Variants in TTC19 observed in about 807,000 individuals in gnomAD.
The protein encoded by TTC19 is tetratricopeptide repeat protein 19, mitochondrial.
In TTC19, 38 loss-of-function variants were observed where a neutral mutation model predicts 49.5. The observed-to-expected ratio is 0.77, with a 90% CI of 0.59 to 1.01. The LOEUF is 1.01. Ranked by LOEUF, TTC19 falls within the 50% of genes least tolerant of loss-of-function variation. TTC19 has a pLI of 0.00. For synonymous variants in TTC19, 204 were observed against 185.2 expected, an observed-to-expected ratio of 1.10 and a Z score of -0.83; for missense variants, 475 against 477.7, an observed-to-expected ratio of 0.99 and a Z score of 0.05.
At chr17:16,012,771 C>T (rs562384436) in intron 7 of TTC19, among the ~76,000 whole-genome samples, 17 of 152,122 alleles carry the variant, frequency 1.1e-4, no homozygotes, top group Non-Finnish European at 2.4e-4. Context: ...CTGCCGACCT[C>T]AGGTGATCTG....
At chr17:16,022,688 G>A (rs1279220182) in intron 7 of TTC19, among the ~76,000 whole-genome samples, 1 of 152,106 alleles carries the variant, frequency 6.6e-6, no homozygotes, top group Admixed American at 6.5e-5. Flanking sequence ...AACCTAGTTT[G>A]ATATACTGAA....
chr17:16,010,227 G>A (rs1314519958), intron 7 of TTC19, among the ~76,000 whole-genome samples: 1 of 138,230 alleles, frequency 7.2e-6, no homozygotes, highest in East Asian at 2.1e-4. Context: ...AGGCTGGAGT[G>A]CAGTGGTGCA....
intron 2 of TTC19, among the ~76,000 whole-genome samples, chr17:16,034,526 T>TGA (rs1387371346): frequency 6.6e-6 from 1 of 152,168 alleles, no homozygotes; most frequent in Non-Finnish European, 1.5e-5. Context: ...GAGGATCACC[T>TGA]GAGCCTCAGA....
chr17:16,036,882 TC>T (rs2151912454), intron 2 of TTC19, among the ~76,000 whole-genome samples: 1 of 152,388 alleles, frequency 6.6e-6, no homozygotes, highest in South Asian at 2.1e-4. Flanking sequence ...AATAGCACTT[TC>T]AATTTCCTTC....
At chr17:16,021,837 C>G (rs763211246) in intron 7 of TTC19, among the ~76,000 whole-genome samples, 1 of 152,200 alleles carries the variant, frequency 6.6e-6, no homozygotes, top group Non-Finnish European at 1.5e-5. Context: ...ATTATACATT[C>G]ATCTTCAGCA....
At chr17:16,032,340 G>T, downstream of TTC19, 1 of 1,614,184 alleles carries the variant, frequency 6.2e-7, no homozygotes. Context: ...GCTGAGAGCA[G>T]TGGGGCAGGC....
At chr17:16,041,246 C>T (rs1319355559) in intron 2 of TTC19, 1 of 152,034 alleles carries the variant, frequency 6.6e-6, no homozygotes, top group Non-Finnish European at 1.5e-5. Flanking sequence ...ACCTGGGAAC[C>T]GCCTATAATA....
At chr17:16,001,014 T>A (rs1055553212) in intron 2 of TTC19, among the ~76,000 whole-genome samples, 6 of 152,206 alleles carry the variant, frequency 3.9e-5, no homozygotes, top group African/African-American at 1.4e-4. Context: ...ATTTCTCAAA[T>A]CTTTCCCCTT....
rs761574262 is a variant in TTC19 at position 16,027,306 on chromosome 17, C to T, written c.995-68C>T. On this transcript the variant is annotated intron_variant, in intron 9 of 9. Coordinates refer to ENST00000261647, the MANE Select transcript of TTC19 (RefSeq NM_017775.4). The stretch of plus-strand genomic sequence containing the variant: ...TTAGCCCTATATCTGCATTCATGCT[C>T]TCTCTTCAGAATCACCTTGAAAACA... 648 of 1,582,654 alleles carry T rather than the reference C, an allele frequency of 4.1e-4. 1 individual carries two copies. The highest frequency in any genetic ancestry group is 5.5e-4 in the Non-Finnish European group (637 of 1,153,968).
In TTC19 at chr17:16,000,016, G is replaced by T. The variant is rs1252591027; in HGVS notation, c.168G>T (p.Leu56=). 1.0e-5 allele frequency: 13 copies of T among 1,242,972 alleles called. No homozygotes were observed. Among genetic ancestry groups the T allele is most frequent in the Non-Finnish European group, 1.3e-5 (13 of 996,300 alleles). 77.0% of individuals were successfully genotyped at this position (1,242,972 alleles called of 1,614,324 possible). Residue 56 remains leucine (L), a synonymous_variant, in exon 1 of 10, where the codon CTG becomes CTT. Coordinates refer to ENST00000261647, the MANE Select transcript of TTC19 (RefSeq NM_017775.4). ...CGCCGCACGGCCGGGGCCCAGGCCT[G>T]CTGCCGCTGCTGGCAGGTGAGGGGC... ...RVAPHGRGPG[L]LPLLAALAWF...
chr17:16,014,974 C>G (rs1490260595), intron 7 of TTC19, among the ~76,000 whole-genome samples: 5 of 152,104 alleles, frequency 3.3e-5, no homozygotes, highest in Admixed American at 1.3e-4. Context: ...AGGTTAATTG[C>G]TTAGTACCTG....
intron 8 of TTC19, 70 bp downstream of exon 8, chr17:16,025,241 C>A: frequency 6.6e-7 from 1 of 1,507,676 alleles, no homozygotes; most frequent in Non-Finnish European, 9.1e-7. Flanking sequence ...TGAAATGTCA[C>A]ACTCATTGGT....
intron 2 of TTC19, 52 bp downstream of exon 2, chr17:16,000,297 C>A: frequency 1.3e-6 from 2 of 1,586,904 alleles, no homozygotes; most frequent in Non-Finnish European, 1.7e-6. Flanking sequence ...CCTTTGTGAG[C>A]GGGGTCTTGG....
rs1971503786 is a variant in TTC19 at position 16,025,034 on chromosome 17, A to T, written c.694A>T (p.Thr232Ser). 1.9e-6 allele frequency: 3 copies of T among 1,613,762 alleles called. No homozygotes were observed. The East Asian group carries it at 6.7e-5, about 36-fold the overall frequency. The change falls in exon 8 of 10, where the codon ACC becomes TCC. Residue 232 changes from threonine to serine, a missense_variant. Coordinates refer to ENST00000261647, the MANE Select transcript of TTC19 (RefSeq NM_017775.4). ...DIMSVEEKAN[T>S]HLLLGMCLDA... The stretch of plus-strand genomic sequence containing the variant: ...CTCCTTAGTGGAAGAGAAAGCCAAT[A>T]CCCACCTCCTCTTGGGCATGTGCTT...
rs1249802480 is a variant in TTC19 at position 16,028,042 on chromosome 17, A to C, written c.*520A>C. The C allele has an allele frequency of 1.5e-5, 7 of 454,010 alleles. No homozygotes were observed. The highest frequency in any genetic ancestry group is 3.1e-5 in the Non-Finnish European group (7 of 226,808). The allele number at this position is 454,010 out of a possible 1,614,324, so 28.1% of individuals were successfully genotyped here. The stretch of plus-strand genomic sequence containing the variant: ...AGTGGAATTTAATACATAAAAGAGA[A>C]AAATATCTTAGTTTGCTACCAGCAT... On this transcript the variant is annotated 3_prime_UTR_variant, in exon 10 of 10. Transcript: ENST00000261647.
Position 16,042,480 on chromosome 17 carries a change from C to T in TTC19, c.248-2023C>T, listed in dbSNP as rs550049848. On this transcript the variant is annotated intron_variant, in intron 2 of 2. Coordinates refer to the TTC19 transcript ENST00000470649. ...ATGGAGCTTACAGTGCAGTGTGGTA[C>T]TTGCTAAGGCCATACAAATTAGAAT... Among the ~76,000 whole-genome samples the T allele has an allele frequency of 3.3e-5, 5 of 152,332 alleles. No homozygotes were observed. In the East Asian group the frequency reaches 9.6e-4, roughly 29 times the overall value.
chr17:16,031,610 AAAATT>A (rs1184426709), downstream of TTC19: 1 of 224,878 alleles, frequency 4.4e-6, no homozygotes, highest in Admixed American at 5.7e-5. Context: ...ATGAAAAAAA[AAAATT>A]AAAGCCTGCA....
intron 2 of TTC19, chr17:16,039,657 G>T: frequency 8.7e-6 from 14 of 1,611,266 alleles, no homozygotes; most frequent in Non-Finnish European, 1.2e-5. Flanking sequence ...AACTGAGCCT[G>T]AAAGAGAATC....
Position 16,042,948 on chromosome 17 carries a change from TAGATG to T in TTC19, c.248-1548_248-1544del, listed in dbSNP as rs373439247. Among the ~76,000 whole-genome samples the T allele has an allele frequency of 1.9e-3, 290 of 151,902 alleles. 2 individuals carry two copies. The highest frequency in any genetic ancestry group is 6.8e-3 in the Middle Eastern group (2 of 294). ...CAAGCGACCATTCAACTCCCCAGAG[TAGATG>T]AGATGACTCAAATTATAAGACATGA... is the stretch of plus-strand genomic sequence containing the variant. On this transcript the variant is annotated intron_variant, in intron 2 of 2. Coordinates refer to the TTC19 transcript ENST00000470649.
Sources: gnomAD v4.1 joint callset for allele counts (sites outside exome capture counted in the v4.1 genomes callset) on GRCh38, gnomAD v4.1.1 for gene constraint, MANE v1.5 for transcripts, NCBI Gene and HGNC (gene_info 2026-07-23, HGNC 2026-07-21) for gene names.